The following MTF1 variants were observed in gnomAD, a reference collection of about 807,000 sequenced individuals.
MTF1 encodes MRE-binding transcription factor.
A neutral mutation model predicts 70.4 loss-of-function variants in MTF1; 22 were observed. That is an observed-to-expected ratio of 0.31 (90% CI 0.22 to 0.45). The LOEUF is 0.45. MTF1 is among the 20% of genes least tolerant of loss of function. MTF1 has a pLI of 1.00. For missense variants in MTF1, 649 were observed against 922.0 expected (o/e 0.70, Z 3.83); for synonymous variants, 333 against 352.8 (o/e 0.94, Z 0.63).
chr1:37,838,896 C>G, intron 3 of MTF1, 140 bp from the exon 4 acceptor site: 1 of 606,342 alleles, frequency 1.6e-6, no homozygotes, highest in Non-Finnish European at 2.5e-6. Flanking sequence ...CCTCCTCCTG[C>G]TAGGTTCAAG....
chr1:37,847,794 G>A (rs1179626396), intron 2 of MTF1, among the ~76,000 whole-genome samples: 5 of 151,946 alleles, frequency 3.3e-5, no homozygotes, highest in East Asian at 3.9e-4. Flanking sequence ...CCAGAAGTTC[G>A]AGACCAGCAT....
chr1:37,837,323 C>G (rs1423759051), intron 4 of MTF1, among the ~76,000 whole-genome samples: 3 of 152,118 alleles, frequency 2.0e-5, no homozygotes, highest in Non-Finnish European at 2.9e-5. Context: ...TCCCAAAGCA[C>G]TGGGATTACA....
At chr1:37,847,318 G>T (rs1402230406) in intron 2 of MTF1, among the ~76,000 whole-genome samples, 1 of 152,154 alleles carries the variant, frequency 6.6e-6, no homozygotes, top group Non-Finnish European at 1.5e-5. Context: ...TTCAAATCTC[G>T]GTTCTACCAG....
chr1:37,836,279 A>G (rs1641169208), intron 4 of MTF1, among the ~76,000 whole-genome samples: 1 of 152,186 alleles, frequency 6.6e-6, no homozygotes. Context: ...GGTAAGGTCC[A>G]TGTTGAGAGC....
At chr1:37,830,570 G>T (rs1358495459) in intron 7 of MTF1, among the ~76,000 whole-genome samples, 1 of 152,120 alleles carries the variant, frequency 6.6e-6, no homozygotes. Context: ...GGTCATCTTG[G>T]GGTCCATCTC....
Position 37,840,114 on chromosome 1 carries a change from G to A in MTF1, c.453C>T (p.Tyr151=). 6.2e-7 allele frequency: 1 copy of A among 1,614,232 alleles called. No individual in the cohort carries two copies. The highest frequency in any genetic ancestry group is 8.5e-7 in the Non-Finnish European group (1 of 1,180,054). The change falls in exon 3 of 11, where the codon TAC becomes TAT. Residue 151 remains tyrosine, a synonymous_variant. Coordinates refer to ENST00000373036, the MANE Select transcript of MTF1 (RefSeq NM_005955.3). This position sits in a 1 kb window ranked among gnomAD's most constrained non-coding sequence, Gnocchi z 4.5. ...GGGTTCGCAGGTTGCCTGCTGTGCT[G>A]TAGGTGCGGGGACAGCCCTCAAAGG... ...QCTFEGCPRT[Y]STAGNLRTHQ... is the part of the protein sequence containing the mutation.
chr1:37,846,859 G>GC, intron 2 of MTF1, among the ~76,000 whole-genome samples: 1 of 152,294 alleles, frequency 6.6e-6, no homozygotes, highest in South Asian at 2.1e-4. Flanking sequence ...CACATTTACA[G>GC]CCCCCTATTC....
chr1:37,849,100 G>A (rs1486826154), intron 2 of MTF1, among the ~76,000 whole-genome samples: 2 of 152,188 alleles, frequency 1.3e-5, no homozygotes, highest in African/African-American at 4.8e-5. Context: ...AGTTCATGGT[G>A]TGTCTAGAAG....
intron 7 of MTF1, among the ~76,000 whole-genome samples, chr1:37,826,333 C>A (rs140456959): frequency 6.6e-6 from 1 of 152,084 alleles, no homozygotes; most frequent in East Asian, 1.9e-4. Context: ...GTTATCCAGG[C>A]GGGAGTGCAG....
Position 37,857,539 on chromosome 1 carries a change from A to G in MTF1, c.120T>C (p.Ser40=). ...CAGTGGTCCTATCATAAACAGTTCC[A>G]GATGAGGAAGGCACCAGTCCGTTTT... ...VDKNGLVPSS[S]GTVYDRTTVL... The change falls in exon 2 of 11, where the codon TCT becomes TCC. Residue 40 remains serine, a synonymous_variant. Coordinates refer to ENST00000373036, the MANE Select transcript of MTF1 (RefSeq NM_005955.3). 3 of 1,614,222 alleles carry G rather than the reference A, an allele frequency of 1.9e-6. No homozygotes were observed. Among genetic ancestry groups the G allele is most frequent in the Non-Finnish European group, 2.5e-6 (3 of 1,180,040 alleles).
intron 6 of MTF1, among the ~76,000 whole-genome samples, chr1:37,834,830 T>C (rs1641140714): frequency 6.6e-6 from 1 of 152,166 alleles, no homozygotes; most frequent in Admixed American, 6.5e-5. Context: ...AGAGCCGCCA[T>C]TTACCAAGAC....
At chr1:37,837,424 G>A (rs1180028182) in intron 4 of MTF1, among the ~76,000 whole-genome samples, 3 of 151,992 alleles carry the variant, frequency 2.0e-5, no homozygotes, top group East Asian at 1.9e-4. Context: ...CTAACAAAAC[G>A]AGTGGTTTAA....
rs765453729 is a variant in MTF1 at position 37,857,278 on chromosome 1, C to T, written c.381G>A (p.Ser127=). 42 of 1,613,042 alleles carry T rather than the reference C, an allele frequency of 2.6e-5. No homozygotes were observed. Among genetic ancestry groups the T allele is most frequent in the Admixed American group, 8.3e-5 (5 of 60,002 alleles). The stretch of plus-strand genomic sequence containing the variant: ...CTTTACGTTTTGTTTCCGGACATTC[C>T]GACTGCAGAGTGAGGGTTGCACCTT... ...NIEGATLTLQ[S]ECPETKRKEV... The change falls in exon 2 of 11, where the codon TCG becomes TCA. Residue 127 remains serine (S), a synonymous_variant. Coordinates refer to ENST00000373036, the MANE Select transcript of MTF1 (RefSeq NM_005955.3).
chr1:37,843,320 A>C (rs961556937), intron 2 of MTF1, among the ~76,000 whole-genome samples: 15 of 152,192 alleles, frequency 9.9e-5, no homozygotes, highest in South Asian at 6.2e-4. Context: ...TTTTTAAAGT[A>C]AGTCAGTTCT....
chr1:37,826,484 C>T (rs1641003077), intron 7 of MTF1: 4 of 427,038 alleles, frequency 9.4e-6, no homozygotes, highest in Middle Eastern at 3.5e-4. Context: ...TAAGGTCCTG[C>T]TACGTTGCCT....
At chr1:37,816,678 A>C (rs1329885939) in intron 10 of MTF1, among the ~76,000 whole-genome samples, 1 of 150,640 alleles carries the variant, frequency 6.6e-6, no homozygotes, top group Non-Finnish European at 1.5e-5. Context: ...CCATCTCAAA[A>C]AAAAAAAAAA....
chr1:37,826,597 G>T (rs879689654), intron 7 of MTF1: 3 of 449,966 alleles, frequency 6.7e-6, no homozygotes, highest in Non-Finnish European at 1.3e-5. Context: ...ACGTCTATCA[G>T]CTGAAGGAGG....
chr1:37,834,773 GAGTCAAGAATGACTATAAGATT>G (rs1641139758), intron 6 of MTF1: 1 of 531,760 alleles, frequency 1.9e-6, no homozygotes, highest in Non-Finnish European at 3.6e-6. Context: ...AGGGAAAAAA[GAGTCAAGAATGACTATAAGATT>G]TTTGGCCTTT....
At position 37,835,323 on chromosome 1, in the gene MTF1, G is replaced by C. The variant is rs1641150112; in HGVS notation, c.854-108C>G. 4.2e-6 allele frequency: 4 copies of C among 952,226 alleles called. No homozygotes were observed. The South Asian group carries it at 4.7e-5, about 11-fold the overall frequency. 59.0% of individuals were successfully genotyped at this position (952,226 alleles called of 1,614,324 possible). A position where few individuals can be genotyped will look rare whatever the true frequency, so the allele number is the denominator to read the frequency against. On this transcript the variant is annotated intron_variant, in intron 5 of 10. Coordinates refer to ENST00000373036, the MANE Select transcript of MTF1 (RefSeq NM_005955.3). ...AGTAAGTATTTTTAAGAGAGTTTGG[G>C]TAACAGTTGTTAAAAGTTCAATAAA...
Sources: allele counts gnomAD v4.1 joint callset (sites outside exome capture counted in the v4.1 genomes callset), GRCh38; gene constraint gnomAD v4.1.1; non-coding constraint Gnocchi (gnomAD v3.1); transcripts MANE v1.5; gene names NCBI Gene and HGNC (gene_info 2026-07-23, HGNC 2026-07-21).